Variants in NALF1 observed in about 807,000 individuals in gnomAD.
NALF1 encodes family with sequence similarity 155 member A.
NALF1 carries 3 observed loss-of-function variants against 48.4 expected under a neutral mutation model. The ratio of observed to expected loss-of-function variants is 0.06; its 90% CI spans 0.03 to 0.16. NALF1 has a LOEUF of 0.16. NALF1 is among the 10% of genes least tolerant of loss of function. The probability of loss-of-function intolerance (pLI) is 1.00; values close to 1 mark genes in which losing one functional copy is unlikely to be tolerated. For missense variants in NALF1, 526 were observed against 571.5 expected, an observed-to-expected ratio of 0.92 and a Z score of 0.81; for synonymous variants, 262 against 245.7, an observed-to-expected ratio of 1.07 and a Z score of -0.62.
intron 1 of NALF1, among the ~76,000 whole-genome samples, chr13:107,598,369 G>A (rs1334633212): frequency 1.3e-5 from 2 of 152,170 alleles, no homozygotes; most frequent in Non-Finnish European, 2.9e-5. Flanking sequence ...CTATGCTCAT[G>A]TTTTTAAGTA....
chr13:107,736,225 G>A (rs3927718), intron 1 of NALF1, among the ~76,000 whole-genome samples: 1,156 of 5,290 alleles, frequency 0.22, 19 homozygotes, highest in African/African-American at 0.31. Context: ...ACACACACAC[G>A]CGCGCGTGTA....
intron 1 of NALF1, among the ~76,000 whole-genome samples, chr13:107,572,373 T>C (rs1257760567): frequency 6.6e-6 from 1 of 152,090 alleles, no homozygotes; most frequent in East Asian, 1.9e-4. Flanking sequence ...AAATGATTTG[T>C]TTTCCTAATT....
intron 1 of NALF1, among the ~76,000 whole-genome samples, chr13:107,857,823 G>T (rs997766751): frequency 6.6e-6 from 1 of 152,108 alleles, no homozygotes; most frequent in African/African-American, 2.4e-5. Flanking sequence ...ATTTATATGA[G>T]ATCTCAAGTG....
chr13:107,501,488 G>T (rs879613369), intron 1 of NALF1, among the ~76,000 whole-genome samples: 3 of 152,116 alleles, frequency 2.0e-5, no homozygotes, highest in African/African-American at 4.8e-5. Flanking sequence ...TTTGAACAAT[G>T]ACTCAATAAA....
intron 1 of NALF1, among the ~76,000 whole-genome samples, chr13:107,655,364 A>G (rs1372041352): frequency 9.0e-4 from 137 of 152,220 alleles, no homozygotes; most frequent in Non-Finnish European, 2.5e-4. Context: ...ACCAACAGTG[A>G]CCAAATTGAG....
intron 1 of NALF1, among the ~76,000 whole-genome samples, chr13:107,627,466 G>T (rs1340560865): frequency 2.0e-5 from 3 of 152,052 alleles, no homozygotes; most frequent in Admixed American, 1.3e-4. Context: ...CCATGAGCGA[G>T]GAGAAGGCTG....
chr13:107,188,879 A>G (rs1489224438), intron 2 of NALF1, among the ~76,000 whole-genome samples: 1 of 152,220 alleles, frequency 6.6e-6, no homozygotes, highest in African/African-American at 2.4e-5. Context: ...ACCTAGATGT[A>G]GCCTAAGAGT....
At chr13:107,817,119 TGAA>T (rs1879191263) in intron 1 of NALF1, among the ~76,000 whole-genome samples, 1 of 151,884 alleles carries the variant, frequency 6.6e-6, no homozygotes, top group Admixed American at 6.6e-5. Flanking sequence ...TATCAATAAA[TGAA>T]GAGGCAAATA....
At chr13:107,249,030 A>G (rs190630287) in intron 1 of NALF1, among the ~76,000 whole-genome samples, 92 of 151,838 alleles carry the variant, frequency 6.1e-4, no homozygotes, top group Non-Finnish European at 1.3e-3. Flanking sequence ...TAAAAAAAAC[A>G]GTAATGACAT....
intron 1 of NALF1, among the ~76,000 whole-genome samples, chr13:107,675,427 G>C (rs1881092603): frequency 6.6e-6 from 1 of 152,140 alleles, no homozygotes; most frequent in Non-Finnish European, 1.5e-5. Context: ...TGGGGGGGAA[G>C]GGAGGAAATC....
chr13:107,422,025 C>G (rs922005084), intron 1 of NALF1, among the ~76,000 whole-genome samples: 3 of 152,094 alleles, frequency 2.0e-5, no homozygotes, highest in Admixed American at 6.6e-5. Flanking sequence ...AGTAGCAGTT[C>G]TCTTCATGTC....
At position 107,399,897 on chromosome 13, in the gene NALF1, GAATT is replaced by G. The variant is rs1357425205; in HGVS notation, c.916-189146_916-189143del. Among the ~76,000 whole-genome samples the G allele has an allele frequency of 4.6e-5, 7 of 152,078 alleles. No homozygotes were observed. In the East Asian group the frequency reaches 1.2e-3, roughly 25 times the overall value. ...CTGTGTACCATATTGTTGAAAAAATGAATTATTTACATAAAATTATCTATCAAAT... is the reference window on the plus strand; with the variant it reads ...CTGTGTACCATATTGTTGAAAAAATGATTTACATAAAATTATCTATCAAAT... On this transcript the variant is annotated intron_variant, in intron 1 of 2. Coordinates refer to ENST00000375915, the MANE Select transcript of NALF1 (RefSeq NM_001080396.3).
chr13:107,659,874 A>G (rs1314796625), intron 1 of NALF1, among the ~76,000 whole-genome samples: 2 of 151,176 alleles, frequency 1.3e-5, no homozygotes, highest in African/African-American at 4.9e-5. Context: ...GCAGTGGTGC[A>G]ATCTCAGCCA....
chr13:107,181,888 G>C (rs1879070094), intron 2 of NALF1, among the ~76,000 whole-genome samples: 1 of 151,958 alleles, frequency 6.6e-6, no homozygotes, highest in South Asian at 2.1e-4. Flanking sequence ...TTTTGTTATT[G>C]TTTTATTGTG....
intron 1 of NALF1, among the ~76,000 whole-genome samples, chr13:107,598,612 GA>G (rs1878825501): frequency 6.6e-6 from 1 of 152,128 alleles, no homozygotes; most frequent in Non-Finnish European, 1.5e-5. Context: ...AAGCAGAGTA[GA>G]AATTCCATTA....
rs1037193680 is a variant in NALF1, at chr13:107,626,096, T to C, written c.915+239586A>G. On this transcript the variant is annotated intron_variant, in intron 1 of 2. Transcript: ENST00000375915. The stretch of plus-strand genomic sequence containing the variant: ...ATTGGAAAATATTGGCAATGGTTAA[T>C]AGATTTCATTAATAACTGATGAGGT... Among the ~76,000 whole-genome samples the C allele has an allele frequency of 3.9e-5, 6 of 152,108 alleles. No individual in the cohort carries two copies. In the South Asian group the frequency reaches 6.2e-4, roughly 16 times the overall value.
rs148992879 is a variant in NALF1, at chr13:107,833,145, C to T, written c.915+32537G>A. On this transcript the variant is annotated intron_variant, in intron 1 of 2. Coordinates refer to ENST00000375915, the MANE Select transcript of NALF1 (RefSeq NM_001080396.3). ...GTGAAGCCCTCTCAGATGGTCCCTG[C>T]GCCTCCTTTAGCATACCACTTTGAA... Among the ~76,000 whole-genome samples the T allele has an allele frequency of 2.7e-4, 40 of 150,172 alleles. 1 individual carries two copies. The highest frequency in any genetic ancestry group is 8.6e-4 in the African/African-American group (35 of 40,642).
chr13:107,366,448 G>C (rs925551123), intron 1 of NALF1, among the ~76,000 whole-genome samples: 1 of 152,118 alleles, frequency 6.6e-6, no homozygotes, highest in Non-Finnish European at 1.5e-5. Flanking sequence ...TCAAAAAAAG[G>C]CCTGCCTATG....
chr13:107,558,091 T>C (rs1206304622), intron 1 of NALF1, among the ~76,000 whole-genome samples: 1 of 145,162 alleles, frequency 6.9e-6, no homozygotes, highest in African/African-American at 2.5e-5. Flanking sequence ...ACTGGCCTAA[T>C]GATTCTGAGA....
Sources: allele counts gnomAD v4.1 joint callset (sites outside exome capture counted in the v4.1 genomes callset), GRCh38; gene constraint gnomAD v4.1.1; transcripts MANE v1.5; gene names NCBI Gene and HGNC (gene_info 2026-07-23, HGNC 2026-07-21).